MTUS2: variants seen among roughly 807,000 people sequenced by gnomAD.
MTUS2 encodes the protein microtubule-associated tumor suppressor candidate 2.
Under a neutral mutation model 114.1 loss-of-function variants are expected in MTUS2, and 40 were observed. That is an observed-to-expected ratio of 0.35 (90% confidence interval 0.27 to 0.46). The LOEUF (loss-of-function observed/expected upper bound fraction) is 0.46, where lower values mean the gene tolerates loss of function less well. MTUS2 is among the 20% of genes least tolerant of loss of function. MTUS2 has a pLI of 1.00. For synonymous variants in MTUS2, 688 were observed against 672.0 expected (o/e 1.02, Z -0.37); for missense variants, 1,679 against 1,705.4 (o/e 0.98, Z 0.27).
intron 2 of MTUS2, among the ~76,000 whole-genome samples, chr13:28,993,542 G>T (rs1007403511): frequency 6.6e-5 from 10 of 152,048 alleles, no homozygotes; most frequent in Non-Finnish European, 1.5e-4. Flanking sequence ...TTATATTTGA[G>T]GTCTTATGTT....
In MTUS2 at chr13:29,371,469, C is replaced by T. The variant is rs574998957; in HGVS notation, c.3117+11996C>T. On this transcript the variant is annotated intron_variant, in intron 8 of 15. Coordinates refer to ENST00000612955, the MANE Select transcript of MTUS2 (RefSeq NM_001033602.4). ...CTGACCTCAGGCGATCTGCTTGCCTCGGCCTTCCAAAGTGCTGGGATTACA... is the reference window on the plus strand; with the variant it reads ...CTGACCTCAGGCGATCTGCTTGCCTTGGCCTTCCAAAGTGCTGGGATTACA... Among the ~76,000 whole-genome samples the T allele has an allele frequency of 5.1e-4, 78 of 152,256 alleles. No homozygotes were observed. The Middle Eastern group carries it at 0.02, about 40-fold the overall frequency.
At chr13:29,416,820 T>C (rs1357824508) in intron 8 of MTUS2, among the ~76,000 whole-genome samples, 1 of 128,692 alleles carries the variant, frequency 7.8e-6, no homozygotes, top group African/African-American at 2.5e-5. Context: ...CCTTTTTGCC[T>C]AGAGGTTTTG....
At chr13:29,460,516 C>A (rs541358038) in intron 9 of MTUS2, among the ~76,000 whole-genome samples, 2 of 152,160 alleles carry the variant, frequency 1.3e-5, no homozygotes, top group Non-Finnish European at 2.9e-5. Flanking sequence ...TCACTTTTTT[C>A]TTCCCATCAG....
At chr13:29,265,507 T>G (rs1342930119) in intron 5 of MTUS2, among the ~76,000 whole-genome samples, 1 of 152,166 alleles carries the variant, frequency 6.6e-6, no homozygotes, top group Non-Finnish European at 1.5e-5. Flanking sequence ...TCAATACCAG[T>G]TTTCCGTGTT....
chr13:29,323,574 C>G (rs1296962282), intron 6 of MTUS2, among the ~76,000 whole-genome samples: 1 of 152,032 alleles, frequency 6.6e-6, no homozygotes, highest in African/African-American at 2.4e-5. Context: ...TTAAAAAAAT[C>G]TGTAAATACA....
intron 2 of MTUS2, among the ~76,000 whole-genome samples, chr13:28,917,609 C>T (rs970899930): frequency 2.7e-5 from 4 of 150,484 alleles, no homozygotes; most frequent in Admixed American, 2.6e-4. Flanking sequence ...CGGGTAGTCT[C>T]TCTGTTTTTC....
intron 5 of MTUS2, among the ~76,000 whole-genome samples, chr13:29,156,903 T>G (rs1215111701): frequency 6.6e-6 from 1 of 152,184 alleles, no homozygotes; most frequent in Non-Finnish European, 1.5e-5. Flanking sequence ...ATTCTGTGCC[T>G]GCTGTGAAAC....
chr13:29,025,334 TG>T lies in MTUS2; in HGVS notation c.640del (p.Glu214ArgfsTer71). The stretch of plus-strand genomic sequence containing the variant: ...AAGCACGGGGTCAGATACCTGGGGG[TG>T]GGGAGGGGCCACAGAAGACATTGCC... The part of the protein sequence containing the change: ...REARGQIPGG[G>X]EGPQKTLPDH... On this transcript the variant is annotated frameshift_variant, in exon 3 of 16. Coordinates refer to ENST00000612955, the MANE Select transcript of MTUS2 (RefSeq NM_001033602.4). LOFTEE classifies it high-confidence loss of function. 6.2e-7 allele frequency: 1 copy of T among 1,612,772 alleles called. No homozygotes were observed. Among genetic ancestry groups the T allele is most frequent in the Non-Finnish European group, 8.5e-7 (1 of 1,179,648 alleles).
At chr13:29,346,322 G>A (rs567154539) in intron 7 of MTUS2, among the ~76,000 whole-genome samples, 4 of 152,126 alleles carry the variant, frequency 2.6e-5, no homozygotes, top group African/African-American at 7.2e-5. Context: ...ACCATCAGGT[G>A]GGGGCAGATT....
At chr13:29,443,099 G>A (rs894175365) in intron 9 of MTUS2, among the ~76,000 whole-genome samples, 1 of 152,182 alleles carries the variant, frequency 6.6e-6, no homozygotes, top group Non-Finnish European at 1.5e-5. Context: ...TTCAGGTGGG[G>A]CGAGCTGGTA....
chr13:29,369,947 GAAAC>G (rs1248380781), intron 8 of MTUS2, among the ~76,000 whole-genome samples: 4 of 152,280 alleles, frequency 2.6e-5, no homozygotes, highest in South Asian at 2.1e-4. Flanking sequence ...AAGGAAAAAA[GAAAC>G]AAACAAGTGC....
intron 5 of MTUS2, among the ~76,000 whole-genome samples, chr13:29,127,744 G>C (rs777367334): frequency 2.6e-5 from 4 of 152,212 alleles, no homozygotes; most frequent in Non-Finnish European, 5.9e-5. Flanking sequence ...CGCTTGCCCT[G>C]ATTCTCCTCT....
At chr13:28,861,448 T>TC (rs1165699941) in intron 2 of MTUS2, among the ~76,000 whole-genome samples, 1 of 151,268 alleles carries the variant, frequency 6.6e-6, no homozygotes, top group African/African-American at 2.4e-5. Context: ...TCTTTTTTTT[T>TC]TTTTTTTACC....
In MTUS2 at chr13:29,474,957, G is replaced by A. The variant is rs149364488; in HGVS notation, c.3185-5193G>A. On this transcript the variant is annotated intron_variant, in intron 9 of 15. Transcript: ENST00000612955. The stretch of plus-strand genomic sequence containing the variant: ...GAGTTAAAGCTACTGATCTTGGCAC[G>A]TGATAAATAATTTTTTCCCATGCAA... Among the ~76,000 whole-genome samples the A allele has an allele frequency of 9.4e-3, 1,433 of 152,194 alleles. 24 individuals carry two copies. The highest frequency in any genetic ancestry group is 0.032 in the African/African-American group (1,341 of 41,510).
At chr13:29,010,034 A>AC (rs758081212) in intron 2 of MTUS2, among the ~76,000 whole-genome samples, 1 of 151,636 alleles carries the variant, frequency 6.6e-6, no homozygotes, top group East Asian at 1.9e-4. Context: ...ATATGGTGAA[A>AC]CCCCCTCTCT....
chr13:28,985,616 G>A (rs553012698), intron 2 of MTUS2, among the ~76,000 whole-genome samples: 2 of 147,584 alleles, frequency 1.4e-5, no homozygotes, highest in South Asian at 4.3e-4. Flanking sequence ...TTTTAATTCA[G>A]TGCCGTTGTT....
intron 4 of MTUS2, among the ~76,000 whole-genome samples, chr13:29,050,410 CT>C (rs1316167094): frequency 5.9e-5 from 9 of 152,108 alleles, no homozygotes; most frequent in Admixed American, 5.9e-4. Flanking sequence ...ACACCTGGTT[CT>C]TACAAAGCAA....
intron 10 of MTUS2, among the ~76,000 whole-genome samples, chr13:29,487,125 T>G (rs898312906): frequency 1.3e-5 from 2 of 152,130 alleles, no homozygotes; most frequent in Non-Finnish European, 2.9e-5. Flanking sequence ...GAGCACCACA[T>G]TGCCTGAGCA....
At chr13:29,201,355 T>C (rs1894949383) in intron 5 of MTUS2, among the ~76,000 whole-genome samples, 1 of 152,090 alleles carries the variant, frequency 6.6e-6, no homozygotes, top group African/African-American at 2.4e-5. Context: ...TTTCTTTCCA[T>C]TTGCTTGGTA....
Sources: gnomAD v4.1 joint callset for allele counts (sites outside exome capture counted in the v4.1 genomes callset) on GRCh38, gnomAD v4.1.1 for gene constraint, MANE v1.5 for transcripts, NCBI Gene and HGNC (gene_info 2026-07-23, HGNC 2026-07-21) for gene names.